ZNF69: variants seen among roughly 807,000 people sequenced by gnomAD.
ZNF69 encodes the protein ZNF3.
ZNF69 carries 47 observed loss-of-function variants against 50.9 expected under a neutral mutation model. The ratio of observed to expected loss-of-function variants is 0.92; its 90% CI spans 0.73 to 1.18. ZNF69 has a LOEUF of 1.18. Ranked by LOEUF, ZNF69 falls within the 50% of genes most tolerant of loss-of-function variation. The pLI is 0.00. For synonymous variants in ZNF69, 216 were observed against 223.1 expected (o/e 0.97, Z 0.29); for missense variants, 717 against 675.1 (o/e 1.06, Z -0.69).
downstream of ZNF69, chr19:11,914,478 C>T (rs967153816): frequency 6.6e-6 from 1 of 152,114 alleles, no homozygotes; most frequent in African/African-American, 2.4e-5. Context: ...ATCATTTATG[C>T]CTTATAAAGC....
chr19:11,979,890 G>T, the ZNF69 span: 3 of 1,426,902 alleles, frequency 2.1e-6, no homozygotes, highest in Admixed American at 3.4e-5. Context: ...TCTGTAGAAA[G>T]ACCTTATAAA....
chr19:11,889,519 G>A (rs1041197305), intron 1 of ZNF69, among the ~76,000 whole-genome samples: 2 of 152,180 alleles, frequency 1.3e-5, no homozygotes, highest in Non-Finnish European at 2.9e-5. Context: ...AGGCTGGAGT[G>A]CAATGGCTCA....
chr19:11,912,729 A>G (rs1972475437), intron 4 of ZNF69, among the ~76,000 whole-genome samples: 1 of 151,410 alleles, frequency 6.6e-6, no homozygotes, highest in South Asian at 2.1e-4. Context: ...CCTTCAGATC[A>G]GCCTCACACC....
At chr19:11,979,665 C>G in the ZNF69 span, 98 of 1,600,956 alleles carry the variant, frequency 6.1e-5, no homozygotes, top group Non-Finnish European at 7.9e-5. Flanking sequence ...AGATCTGCCT[C>G]AATCCTTCAA....
At chr19:11,888,441 C>A (rs1271851699) in intron 1 of ZNF69, among the ~76,000 whole-genome samples, 1 of 152,092 alleles carries the variant, frequency 6.6e-6, no homozygotes, top group Non-Finnish European at 1.5e-5. Context: ...TGAGACACAC[C>A]CAGTCCTGGC....
chr19:11,933,700 G>A, the ZNF69 span, among the ~76,000 whole-genome samples: 1 of 147,746 alleles, frequency 6.8e-6, no homozygotes, highest in Non-Finnish European at 1.5e-5. Context: ...TTTGTTGCTT[G>A]ACAACTCATG....
At chr19:11,977,190 C>G in the ZNF69 span, 1 of 1,613,332 alleles carries the variant, frequency 6.2e-7, no homozygotes, top group Non-Finnish European at 8.5e-7. Flanking sequence ...TTCCTTCCCT[C>G]AGTCCATTAG....
the ZNF69 span, chr19:11,979,338 T>G: frequency 6.2e-7 from 1 of 1,607,112 alleles, no homozygotes; most frequent in East Asian, 2.2e-5. Flanking sequence ...ATGGTAGGAC[T>G]CACTGGAGAG....
the ZNF69 span, among the ~76,000 whole-genome samples, chr19:11,976,086 G>A: frequency 6.9e-6 from 1 of 145,884 alleles, no homozygotes; most frequent in Admixed American, 7.0e-5. Flanking sequence ...GGTGGTCCCT[G>A]GGGTGTGGGA....
chr19:11,978,553 A>C, the ZNF69 span: 5 of 1,614,208 alleles, frequency 3.1e-6, no homozygotes, highest in South Asian at 4.4e-5. Flanking sequence ...AAAGCTGTCC[A>C]TTGTCTCAGA....
chr19:11,974,534 A>T, the ZNF69 span, among the ~76,000 whole-genome samples: 1 of 145,854 alleles, frequency 6.9e-6, no homozygotes, highest in African/African-American at 2.6e-5. Context: ...AATGTTGAGC[A>T]TCCCGTCATA....
chr19:11,932,903 C>G, the ZNF69 span, among the ~76,000 whole-genome samples: 2 of 148,364 alleles, frequency 1.3e-5, no homozygotes, highest in African/African-American at 5.3e-5. Flanking sequence ...TCCCAAAGTG[C>G]TGGGATTACA....
intron 1 of ZNF69, among the ~76,000 whole-genome samples, chr19:11,896,301 A>G (rs989441955): frequency 6.7e-6 from 1 of 149,584 alleles, no homozygotes; most frequent in Non-Finnish European, 1.5e-5. Flanking sequence ...CATCTCTCTG[A>G]TAATACCATT....
At chr19:11,962,110 G>T in the ZNF69 span, among the ~76,000 whole-genome samples, 1 of 152,078 alleles carries the variant, frequency 6.6e-6, no homozygotes, top group African/African-American at 2.4e-5. Context: ...AACTGTGCTC[G>T]GCCAAATGAA....
the ZNF69 span, among the ~76,000 whole-genome samples, chr19:11,944,868 C>T: frequency 6.6e-6 from 1 of 152,212 alleles, no homozygotes; most frequent in Non-Finnish European, 1.5e-5. Flanking sequence ...TGAAGTGACT[C>T]CTGGCCTAGA....
At chr19:11,961,027 C>T in the ZNF69 span, among the ~76,000 whole-genome samples, 1 of 152,154 alleles carries the variant, frequency 6.6e-6, no homozygotes, top group South Asian at 2.1e-4. Flanking sequence ...ACCTGTAATC[C>T]CAGCACTTTG....
At chr19:11,935,957 G>T in the ZNF69 span, among the ~76,000 whole-genome samples, 1 of 152,284 alleles carries the variant, frequency 6.6e-6, no homozygotes, top group South Asian at 2.1e-4. Flanking sequence ...AATATGCAGT[G>T]TTTGGTTTTC....
the ZNF69 span, among the ~76,000 whole-genome samples, chr19:11,941,719 T>C: frequency 6.6e-6 from 1 of 152,284 alleles, no homozygotes; most frequent in African/African-American, 2.4e-5. Flanking sequence ...GCTCCCGCCT[T>C]GGTCAGCCCA....
At chr19:11,955,304 A>AAAATTCTTGTTTAATTTTT in the ZNF69 span, among the ~76,000 whole-genome samples, 1 of 151,930 alleles carries the variant, frequency 6.6e-6, no homozygotes, top group Non-Finnish European at 1.5e-5. Context: ...GCCCAGCCTG[A>AAAATTCTTGTTTAATTTTT]AAATTCTTGT....
Sources: gnomAD v4.1 joint callset for allele counts (sites outside exome capture counted in the v4.1 genomes callset) on GRCh38, gnomAD v4.1.1 for gene constraint, MANE v1.5 for transcripts, NCBI Gene and HGNC (gene_info 2026-07-23, HGNC 2026-07-21) for gene names.